The following WDR49 variants were observed in gnomAD, a reference collection of about 807,000 sequenced individuals.
WDR49 encodes WD repeat domain 49.
WDR49 carries 107 observed loss-of-function variants against 119.5 expected under a neutral mutation model. The observed-to-expected ratio is 0.90, with a 90% confidence interval of 0.77 to 1.05. WDR49 has a LOEUF of 1.05. WDR49 is among the 50% of genes least tolerant of loss of function. The pLI is 0.00. For missense variants in WDR49, 1,240 were observed against 1,220.5 expected (o/e 1.02, Z -0.24); for synonymous variants, 425 against 418.8 (o/e 1.01, Z -0.18).
chr3:167,480,465 A>C lies in WDR49; in HGVS notation c.3032-1469T>G, dbSNP rs377292659. On this transcript the variant is annotated intron_variant, in intron 18 of 18. Coordinates refer to ENST00000682715, the MANE Select transcript of WDR49 (RefSeq NM_001366157.1). ...TTACAGTATAGTGGCATCTTTATAT[A>C]TTTGGATTAAACACAAAACGAAACA... Among the ~76,000 whole-genome samples, 17 of 152,252 alleles carry C rather than the reference A, an allele frequency of 1.1e-4. No homozygotes were observed. In the East Asian group the frequency reaches 2.1e-3, roughly 19 times the overall value.
At chr3:167,558,939 A>T (rs376359430) in intron 9 of WDR49, among the ~76,000 whole-genome samples, 1 of 151,984 alleles carries the variant, frequency 6.6e-6, no homozygotes, top group African/African-American at 2.4e-5. Context: ...CTTTTATTTC[A>T]CCTCAATTAT....
At chr3:167,639,264 T>C (rs1360567590) in intron 2 of WDR49, among the ~76,000 whole-genome samples, 2 of 151,798 alleles carry the variant, frequency 1.3e-5, no homozygotes, top group East Asian at 1.9e-4. Context: ...AAGAAGTTTA[T>C]GCATCCATAG....
At chr3:167,482,019 A>T (rs890942867) in intron 18 of WDR49, among the ~76,000 whole-genome samples, 2 of 152,238 alleles carry the variant, frequency 1.3e-5, no homozygotes, top group African/African-American at 4.8e-5. Context: ...AACCTGACAT[A>T]TGTTGAAAGG....
At position 167,567,393 on chromosome 3, in the gene WDR49, C is replaced by T. The variant is rs574614817; in HGVS notation, c.1510-7165G>A. ...AAACCCTTCACCTCTTCCCCATTCC[C>T]ACCTTTTTTGCCATGTTCACAGTCT... On this transcript the variant is annotated intron_variant, in intron 8 of 18. Transcript: ENST00000682715. Among the ~76,000 whole-genome samples, 8 of 152,320 alleles carry T rather than the reference C, an allele frequency of 5.3e-5. No individual in the cohort carries two copies. In the South Asian group the frequency reaches 1.7e-3, roughly 32 times the overall value.
intron 5 of WDR49, among the ~76,000 whole-genome samples, chr3:167,613,355 T>C (rs1281882463): frequency 2.0e-5 from 3 of 152,228 alleles, no homozygotes; most frequent in Admixed American, 1.3e-4. Context: ...ATGAATCTTA[T>C]TCTTCTACCA....
At chr3:167,590,852 T>C (rs370039794) in intron 7 of WDR49, among the ~76,000 whole-genome samples, 2 of 152,198 alleles carry the variant, frequency 1.3e-5, no homozygotes, top group African/African-American at 4.8e-5. Context: ...GTTTTGTCAA[T>C]TTTGTTTATC....
intron 2 of WDR49, among the ~76,000 whole-genome samples, chr3:167,648,721 C>T (rs1718238420): frequency 1.3e-5 from 2 of 152,090 alleles, no homozygotes; most frequent in Admixed American, 1.3e-4. Flanking sequence ...GTGAGCTGGA[C>T]CACAGAAAAC....
chr3:167,622,568 G>A (rs895460571), intron 3 of WDR49, among the ~76,000 whole-genome samples: 19 of 152,034 alleles, frequency 1.2e-4, no homozygotes, highest in Non-Finnish European at 1.5e-5. Flanking sequence ...CCGTAATACA[G>A]AAGCAAAAAC....
At chr3:167,540,654 C>T (rs973288168) in intron 10 of WDR49, among the ~76,000 whole-genome samples, 2 of 151,938 alleles carry the variant, frequency 1.3e-5, no homozygotes, top group African/African-American at 4.8e-5. Context: ...CTATAACACC[C>T]GCAAAAGACC....
At chr3:167,569,185 G>T (rs113757656) in intron 8 of WDR49, among the ~76,000 whole-genome samples, 2 of 151,888 alleles carry the variant, frequency 1.3e-5, no homozygotes, top group Non-Finnish European at 2.9e-5. Context: ...CTCGTGATCC[G>T]CCCTCCTTGG....
At chr3:167,496,640 C>T (rs1751363485) in intron 18 of WDR49, among the ~76,000 whole-genome samples, 1 of 152,158 alleles carries the variant, frequency 6.6e-6, no homozygotes, top group Non-Finnish European at 1.5e-5. Flanking sequence ...TCTATTTCCC[C>T]ACTTCAATGT....
intron 18 of WDR49, among the ~76,000 whole-genome samples, chr3:167,490,624 A>G (rs1277760823): frequency 6.6e-6 from 1 of 152,138 alleles, no homozygotes; most frequent in African/African-American, 2.4e-5. Context: ...ATAAAAGCTT[A>G]TGTGTATATT....
intron 16 of WDR49, among the ~76,000 whole-genome samples, chr3:167,508,278 T>C (rs1751845850): frequency 6.6e-6 from 1 of 152,186 alleles, no homozygotes; most frequent in Non-Finnish European, 1.5e-5. Flanking sequence ...ACATGATGCT[T>C]GTTGGACAGG....
intron 15 of WDR49, among the ~76,000 whole-genome samples, chr3:167,526,857 G>T (rs1752651641): frequency 6.6e-6 from 1 of 152,032 alleles, no homozygotes; most frequent in South Asian, 2.1e-4. Context: ...CATAAGATTG[G>T]CACCTGAGGC....
chr3:167,579,829 A>G (rs1714444701), intron 7 of WDR49, among the ~76,000 whole-genome samples: 1 of 152,154 alleles, frequency 6.6e-6, no homozygotes, highest in African/African-American at 2.4e-5. Context: ...TACTCATATT[A>G]CTAATGATAA....
At chr3:167,624,558 G>A (rs752366066) in intron 3 of WDR49, among the ~76,000 whole-genome samples, 16 of 151,984 alleles carry the variant, frequency 1.1e-4, no homozygotes, top group Non-Finnish European at 2.1e-4. Context: ...TTTTTCACAG[G>A]TCATGTATGT....
intron 16 of WDR49, among the ~76,000 whole-genome samples, chr3:167,515,884 A>G (rs1752178558): frequency 1.3e-5 from 2 of 152,178 alleles, no homozygotes; most frequent in Non-Finnish European, 2.9e-5. Context: ...CCCATTAACA[A>G]TCGCTACAGA....
chr3:167,480,104 G>C (rs1031010608), intron 18 of WDR49, among the ~76,000 whole-genome samples: 1 of 151,598 alleles, frequency 6.6e-6, no homozygotes, highest in Non-Finnish European at 1.5e-5. Context: ...ATGGTGGCAG[G>C]CGCCTGTAAT....
rs184169634 is a variant in WDR49 at position 167,543,618 on chromosome 3, A to G, written c.1824-6618T>C. On this transcript the variant is annotated intron_variant, in intron 10 of 18. Transcript: ENST00000682715. ...CTTTATGATTAAAACCCTCAGCAAA[A>G]TCAGCATAGAATGAACATACTTCAA... Among the ~76,000 whole-genome samples, 33 of 152,048 alleles carry G rather than the reference A, an allele frequency of 2.2e-4. No homozygotes were observed. The East Asian group carries it at 5.8e-3, about 27-fold the overall frequency.
Sources: allele counts gnomAD v4.1 joint callset (sites outside exome capture counted in the v4.1 genomes callset), GRCh38; gene constraint gnomAD v4.1.1; transcripts MANE v1.5; gene names NCBI Gene and HGNC (gene_info 2026-07-23, HGNC 2026-07-21).